PPHLN1: variants seen among roughly 807,000 people sequenced by gnomAD.
The protein encoded by PPHLN1 is periphilin 1.
In PPHLN1, 29 loss-of-function variants were observed where a neutral mutation model predicts 51.3. The ratio of observed to expected loss-of-function variants is 0.57; its 90% confidence interval spans 0.42 to 0.77. The LOEUF (loss-of-function observed/expected upper bound fraction) is 0.77. Ranked by LOEUF, PPHLN1 falls within the 30% of genes least tolerant of loss-of-function variation. The pLI is 0.00. For missense variants in PPHLN1, 436 were observed against 438.4 expected, an observed-to-expected ratio of 0.99 and a Z score of 0.05; for synonymous variants, 147 against 147.8, an observed-to-expected ratio of 0.99 and a Z score of 0.04.
intron 2 of PPHLN1, among the ~76,000 whole-genome samples, chr12:42,342,229 G>GCATTCATTCATTCATT (rs140038754): frequency 6.6e-6 from 1 of 151,710 alleles, no homozygotes; most frequent in Non-Finnish European, 1.5e-5. Context: ...TGACAGAATG[G>GCATTCATTCATTCATT]CATTCATTCA....
At chr12:42,411,484 C>T (rs1392315500) in intron 9 of PPHLN1, among the ~76,000 whole-genome samples, 3 of 151,914 alleles carry the variant, frequency 2.0e-5, no homozygotes, top group South Asian at 2.1e-4. Flanking sequence ...CGAGACTGAA[C>T]GAAGGGACGA....
intron 9 of PPHLN1, among the ~76,000 whole-genome samples, chr12:42,439,203 T>G (rs1235409494): frequency 1.3e-5 from 2 of 152,226 alleles, no homozygotes; most frequent in African/African-American, 2.4e-5. Context: ...CCATTTTGAG[T>G]TAACATATTT....
intron 5 of PPHLN1, among the ~76,000 whole-genome samples, chr12:42,382,555 A>G (rs1026672361): frequency 6.6e-6 from 1 of 152,212 alleles, no homozygotes; most frequent in Non-Finnish European, 1.5e-5. Flanking sequence ...GGTAATGGCT[A>G]AATAGCTAAC....
chr12:42,335,994 T>G lies in PPHLN1; in HGVS notation c.72+20T>G, dbSNP rs759650810. On this transcript the variant is annotated intron_variant, in intron 2 of 9. Transcript: ENST00000358314. The stretch of plus-strand genomic sequence containing the variant: ...CCCAGTGTAAGTTACTCCTACATAT[T>G]GAATGATTCAAAAACCTGGTGTCTG... The G allele has an allele frequency of 2.0e-6, 3 of 1,473,504 alleles. No homozygotes were observed. The highest frequency in any genetic ancestry group is 9.2e-7 in the Non-Finnish European group (1 of 1,092,164). 91.3% of individuals were successfully genotyped at this position (1,473,504 alleles called of 1,614,324 possible). A position where few individuals can be genotyped will look rare whatever the true frequency, so the allele number is the denominator to read the frequency against.
chr12:42,402,045 G>T (rs2078892074), intron 9 of PPHLN1, among the ~76,000 whole-genome samples: 1 of 151,988 alleles, frequency 6.6e-6, no homozygotes, highest in African/African-American at 2.4e-5. Context: ...TTTTTGTAGA[G>T]ATGGGATTTC....
intron 5 of PPHLN1, among the ~76,000 whole-genome samples, chr12:42,380,903 T>C (rs553723678): frequency 6.6e-6 from 1 of 152,300 alleles, no homozygotes; most frequent in East Asian, 1.9e-4. Flanking sequence ...CAAACATATA[T>C]TGAACATAAA....
At chr12:42,340,665 T>A (rs182909844) in intron 2 of PPHLN1, among the ~76,000 whole-genome samples, 173 of 152,328 alleles carry the variant, frequency 1.1e-3, no homozygotes, top group African/African-American at 4.0e-3. Context: ...GAAGAGGCAG[T>A]AGTGACTGGG....
At chr12:42,434,919 C>G (rs1174384532) in intron 9 of PPHLN1, among the ~76,000 whole-genome samples, 3 of 152,204 alleles carry the variant, frequency 2.0e-5, no homozygotes, top group Non-Finnish European at 4.4e-5. Context: ...GTCTTGAACC[C>G]TGACCTCAGG....
At chr12:42,338,817 T>A (rs1783644913) in intron 2 of PPHLN1, among the ~76,000 whole-genome samples, 1 of 152,162 alleles carries the variant, frequency 6.6e-6, no homozygotes, top group Non-Finnish European at 1.5e-5. Flanking sequence ...TCTCTTTGGG[T>A]GTGATGTGGA....
At chr12:42,379,900 A>G (rs1592568713) in intron 5 of PPHLN1, among the ~76,000 whole-genome samples, 1 of 152,168 alleles carries the variant, frequency 6.6e-6, no homozygotes, top group East Asian at 1.9e-4. Flanking sequence ...GTTGAGGAGC[A>G]TAAGGCCAAC....
intron 2 of PPHLN1, among the ~76,000 whole-genome samples, chr12:42,339,907 T>G (rs769751879): frequency 6.6e-6 from 1 of 152,224 alleles, no homozygotes; most frequent in Non-Finnish European, 1.5e-5. Flanking sequence ...AAAAGTAATT[T>G]TGTGTTCACA....
chr12:42,361,996 C>T (rs1442414923), intron 4 of PPHLN1, among the ~76,000 whole-genome samples: 1 of 152,182 alleles, frequency 6.6e-6, no homozygotes, highest in Non-Finnish European at 1.5e-5. Context: ...TTCCTGTTAG[C>T]AATGTATAAA....
At chr12:42,398,250 G>A (rs941827840) in intron 8 of PPHLN1, among the ~76,000 whole-genome samples, 2 of 152,208 alleles carry the variant, frequency 1.3e-5, no homozygotes, top group African/African-American at 2.4e-5. Context: ...TTATTGATTT[G>A]TGGGGTTTTC....
rs541820256 is a variant in PPHLN1, at chr12:42,335,825, C to T, written c.-20-58C>T. The T allele has an allele frequency of 1.3e-4, 126 of 952,618 alleles. No homozygotes were observed. In the African/African-American group the frequency reaches 2.1e-3, roughly 16 times the overall value. The allele number at this position is 952,618 out of a possible 1,614,324, so 59.0% of individuals were successfully genotyped here. ...GTTGGAAAGTAATCATTTACTCCTT[C>T]CTTACCTTTTCTGTTACTTCCTAGT... On this transcript the variant is annotated intron_variant, in intron 1 of 9. Coordinates refer to ENST00000358314, the MANE Select transcript of PPHLN1 (RefSeq NM_201439.2).
At position 42,377,301 on chromosome 12, in the gene PPHLN1, C is replaced by CTT. The variant is rs11297368; in HGVS notation, c.511+2245_511+2246dup. ...CTAAGACCCTTAAAATTTTTTCTTT[C>CTT]TTTTTTTTTTTTTTTTTTTGTCTGA... On this transcript the variant is annotated intron_variant, in intron 5 of 9. Transcript: ENST00000358314. Among the ~76,000 whole-genome samples the CTT allele has an allele frequency of 7.9e-3, 828 of 104,970 alleles. 28 individuals are homozygous for CTT. In the East Asian group the frequency reaches 0.087, roughly 11 times the overall value. The allele number at this position is 104,970 out of a possible 152,430, so 68.9% of individuals were successfully genotyped here. A position where few individuals can be genotyped will look rare whatever the true frequency, so the allele number is the denominator to read the frequency against.
chr12:42,428,869 G>A (rs11181501), intron 9 of PPHLN1, among the ~76,000 whole-genome samples: 52,704 of 142,798 alleles, frequency 0.37, 9,800 homozygotes, highest in South Asian at 0.47. Context: ...GACAGATATC[G>A]TTTAGGGAGC....
intron 9 of PPHLN1, among the ~76,000 whole-genome samples, chr12:42,426,858 A>C (rs577055883): frequency 2.9e-4 from 44 of 152,040 alleles, no homozygotes; most frequent in African/African-American, 1.1e-3. Context: ...AATGCGACCT[A>C]TATATTGAAT....
intron 4 of PPHLN1, among the ~76,000 whole-genome samples, chr12:42,358,295 TC>T (rs755796910): frequency 1.3e-5 from 2 of 152,188 alleles, no homozygotes; most frequent in Non-Finnish European, 2.9e-5. Context: ...TATATATAAA[TC>T]TCTAATCCCC....
At chr12:42,420,648 TTCCTTCCC>T (rs1481003110) in intron 9 of PPHLN1, among the ~76,000 whole-genome samples, 5 of 140,820 alleles carry the variant, frequency 3.6e-5, no homozygotes, top group Middle Eastern at 3.5e-3. Context: ...ATATCCTTCC[TTCCTTCCC>T]TCCTTCCCTC....
Sources: gnomAD v4.1 joint callset for allele counts (sites outside exome capture counted in the v4.1 genomes callset) on GRCh38, gnomAD v4.1.1 for gene constraint, MANE v1.5 for transcripts, NCBI Gene and HGNC (gene_info 2026-07-23, HGNC 2026-07-21) for gene names.